The following FAM83G variants were observed in gnomAD, a reference collection of about 807,000 sequenced individuals.
FAM83G encodes the protein scaffolding CK1 anchoring protein G.
FAM83G carries 38 observed loss-of-function variants against 61.5 expected under a neutral mutation model. The ratio of observed to expected loss-of-function variants is 0.62; its 90% CI spans 0.48 to 0.81. The LOEUF is 0.81. FAM83G is among the 30% of genes least tolerant of loss of function. FAM83G has a pLI of 0.00. For missense variants in FAM83G, 989 were observed against 1,133.6 expected (o/e 0.87, Z 1.83); for synonymous variants, 470 against 476.1 (o/e 0.99, Z 0.17).
rs896392887 is a variant in FAM83G at position 18,988,485 on chromosome 17, G to A, written c.523-71C>T. ...TGGGGACAGGGTGCCCTGGCAGAGC[G>A]CACAGCCCTCCCATGCCACCAGCCT... On this transcript the variant is annotated intron_variant, in intron 2 of 5. Transcript: ENST00000388995. 16 of 1,580,130 alleles carry A rather than the reference G, an allele frequency of 1.0e-5. No individual in the cohort carries two copies. In the African/African-American group the frequency reaches 1.1e-4, roughly 11 times the overall value.
rs560946631 is a variant in FAM83G at position 19,000,816 on chromosome 17, G to A, written c.522+2704C>T. ...AGAGGTGATTCATGGGGAGAGATAAGGCAGGGAGCGCTCCCAGGAAGCAGG... is the reference window on the plus strand; with the variant it reads ...AGAGGTGATTCATGGGGAGAGATAAAGCAGGGAGCGCTCCCAGGAAGCAGG... On this transcript the variant is annotated intron_variant, in intron 2 of 5. Transcript: ENST00000388995. The surrounding 1 kb of genome is among the most constrained non-coding windows in gnomAD (Gnocchi z 5.2). 2.0e-5 allele frequency among the ~76,000 whole-genome samples: 3 copies of A among 152,280 alleles called. No individual in the cohort carries two copies. Among genetic ancestry groups the A allele is most frequent in the Non-Finnish European group, 4.4e-5 (3 of 68,010 alleles).
At chr17:18,977,279 T>A (rs890897892) in intron 5 of FAM83G, 1 of 580,810 alleles carries the variant, frequency 1.7e-6, no homozygotes, top group East Asian at 2.9e-5. Context: ...GTGCCACCCA[T>A]CTGGCAGGTG....
At position 18,968,910 on chromosome 17, in the gene FAM83G, A is replaced by C. The variant is rs79373304; in HGVS notation, c.*2449T>G. The C allele has an allele frequency of 0.014, 9,719 of 681,782 alleles. 710 individuals carry two copies. The African/African-American group carries it at 0.15, about 11-fold the overall frequency. 42.2% of individuals were successfully genotyped at this position (681,782 alleles called of 1,614,324 possible). ...CAACCTCACAATGGCCCCGTGATGC[A>C]GGCAGGCAGGCGAGTGGGGGTCTCC... On this transcript the variant is annotated 3_prime_UTR_variant, in exon 6 of 6. Transcript: ENST00000388995. The surrounding 1 kb of genome is among the most constrained non-coding windows in gnomAD (Gnocchi z 4.1).
chr17:18,976,860 G>A (rs765865991), intron 5 of FAM83G: 28 of 1,613,308 alleles, frequency 1.7e-5, no homozygotes, highest in Admixed American at 1.2e-4. Context: ...CCAGGTCATC[G>A]TGCAGCGATC....
chr17:18,989,038 G>T (rs1436258255), intron 2 of FAM83G, among the ~76,000 whole-genome samples: 2 of 152,254 alleles, frequency 1.3e-5, no homozygotes, highest in African/African-American at 4.8e-5. Context: ...TGACTGTCAG[G>T]CTTCTCTCAC....
At position 19,004,251 on chromosome 17, in the gene FAM83G, T is replaced by G; in HGVS notation, c.-128-82A>C. ...GGGCGGCGGGGGCGGGGCCGGGAAC[T>G]CAGGTGGGCGTGGGAAGGACGGGGC... On this transcript the variant is annotated intron_variant, in intron 1 of 5. Coordinates refer to ENST00000388995, the MANE Select transcript of FAM83G (RefSeq NM_001039999.3). This position sits in a 1 kb window ranked among gnomAD's most constrained non-coding sequence, Gnocchi z 5.4. 1 of 513,426 alleles carries G rather than the reference T, an allele frequency of 1.9e-6. No homozygotes were observed. Among genetic ancestry groups the G allele is most frequent in the Non-Finnish European group, 3.4e-6 (1 of 293,778 alleles). 31.8% of individuals were successfully genotyped at this position (513,426 alleles called of 1,614,324 possible).
chr17:18,975,519 A>G (rs2042953942), intron 5 of FAM83G, among the ~76,000 whole-genome samples: 1 of 151,856 alleles, frequency 6.6e-6, no homozygotes, highest in African/African-American at 2.4e-5. Flanking sequence ...GTAAAACCCC[A>G]TCTCTACTAA....
In FAM83G at chr17:18,977,726, C is replaced by T. The variant is rs200038747; in HGVS notation, c.1940G>A (p.Arg647Gln). 2,162 of 1,608,152 alleles carry T rather than the reference C, an allele frequency of 1.3e-3. 2 individuals carry two copies. Among genetic ancestry groups the T allele is most frequent in the Middle Eastern group, 9.1e-3 (55 of 6,042 alleles). Residue 647 changes from arginine (R) to glutamine (Q), a missense_variant, in exon 5 of 6, where the codon CGG becomes CAG. Arg to Gln is a conservative substitution (Grantham distance 43). Coordinates refer to ENST00000388995, the MANE Select transcript of FAM83G (RefSeq NM_001039999.3). ...GGTTATATGGGGGGCACTCAGCTGCCGGCGCGGTGGTGGGGTTGGCCCGTT... is the reference window on the plus strand; with the variant it reads ...GGTTATATGGGGGGCACTCAGCTGCTGGCGCGGTGGTGGGGTTGGCCCGTT... ...VANGPTPPPR[R>Q]QLSAPHITRG... is the part of the protein sequence containing the mutation.
intron 5 of FAM83G, among the ~76,000 whole-genome samples, chr17:18,975,361 G>T (rs753767189): frequency 1.3e-5 from 2 of 152,150 alleles, no homozygotes; most frequent in Admixed American, 6.6e-5. Flanking sequence ...GCTGGGAGCC[G>T]TCCGTTAAAC....
Position 18,977,681 on chromosome 17 carries a change from G to C in FAM83G, c.1985C>G (p.Pro662Arg). 1 of 1,610,622 alleles carries C rather than the reference G, an allele frequency of 6.2e-7. No individual in the cohort carries two copies. The highest frequency in any genetic ancestry group is 8.5e-7 in the Non-Finnish European group (1 of 1,179,868). Residue 662 changes from proline to arginine, a missense_variant, in exon 5 of 6, where the codon CCC becomes CGC. Coordinates refer to ENST00000388995, the MANE Select transcript of FAM83G (RefSeq NM_001039999.3). ...CTGGGCCCATGGGGAGCCACCCTGG[G>C]GTCCAACAAAGGTCCCTCGGGTTAT... ...PHITRGTFVG[P>R]QGGSPWAQSR...
rs1257322889 is a variant in FAM83G at position 19,000,811 on chromosome 17, G to A, written c.522+2709C>T. Among the ~76,000 whole-genome samples, 7 of 152,160 alleles carry A rather than the reference G, an allele frequency of 4.6e-5. No homozygotes were observed. In the East Asian group the frequency reaches 9.6e-4, roughly 21 times the overall value. ...GCACGAGAGGTGATTCATGGGGAGAGATAAGGCAGGGAGCGCTCCCAGGAA... is the reference window on the plus strand; with the variant it reads ...GCACGAGAGGTGATTCATGGGGAGAAATAAGGCAGGGAGCGCTCCCAGGAA... On this transcript the variant is annotated intron_variant, in intron 2 of 5. Transcript: ENST00000388995. The surrounding 1 kb of genome is among the most constrained non-coding windows in gnomAD (Gnocchi z 5.2).
intron 3 of FAM83G, among the ~76,000 whole-genome samples, chr17:18,982,323 C>T (rs569455432): frequency 1.2e-4 from 19 of 152,310 alleles, no homozygotes; most frequent in African/African-American, 4.6e-4. Context: ...TGCTCCCCAG[C>T]TTGTGCCTGG....
chr17:18,992,561 C>T (rs1464210334), intron 2 of FAM83G, among the ~76,000 whole-genome samples: 1 of 152,228 alleles, frequency 6.6e-6, no homozygotes, highest in African/African-American at 2.4e-5. Flanking sequence ...AGGCAGGGAG[C>T]ACAGGCGTGG....
chr17:18,976,426 C>A, intron 5 of FAM83G: 1 of 159,076 alleles, frequency 6.3e-6, no homozygotes, highest in Non-Finnish European at 1.4e-5. Context: ...CTCTGCCAGC[C>A]ATGCAAACAC....
In FAM83G at chr17:18,988,410, A is replaced by G; in HGVS notation, c.527T>C (p.Ile176Thr). The G allele has an allele frequency of 1.2e-6, 2 of 1,613,942 alleles. No homozygotes were observed. Among genetic ancestry groups the G allele is most frequent in the Non-Finnish European group, 1.7e-6 (2 of 1,179,844 alleles). Residue 176 changes from isoleucine (I) to threonine (T), a missense_variant, in exon 3 of 6, where the codon ATA becomes ACA. Transcript: ENST00000388995. ...RKMISQAQKV[I>T]AVVMDMFTDV... is the part of the protein sequence containing the mutation. ...GGTGAACATGTCCATGACCACAGCT[A>G]TCACCTGGGAGCAAGAAGAGAGACT... is the stretch of plus-strand genomic sequence containing the variant.
rs553000350 is a variant in FAM83G, at chr17:18,969,048, G to A, written c.*2311C>T. 7 of 1,611,546 alleles carry A rather than the reference G, an allele frequency of 4.3e-6. No individual in the cohort carries two copies. The highest frequency in any genetic ancestry group is 5.9e-6 in the Non-Finnish European group (7 of 1,178,948). On this transcript the variant is annotated 3_prime_UTR_variant, in exon 6 of 6. Transcript: ENST00000388995. ...GTCCCACACAAGGCTCTCTCCCTCC[G>A]CAGCTGGACCTGTACGCGGGGGCTC...
Position 19,004,133 on chromosome 17 carries a change from C to T in FAM83G, c.-92G>A. ...AGCTGGGGCACCGCGCGCTCGGGGG[C>T]CTCTCCGCGGCCTCTGCTTCTCTGC... On this transcript the variant is annotated 5_prime_UTR_variant, in exon 2 of 6. Transcript: ENST00000388995. The surrounding 1 kb of genome is among the most constrained non-coding windows in gnomAD (Gnocchi z 5.4). 7.8e-7 allele frequency: 1 copy of T among 1,277,848 alleles called. No homozygotes were observed. Among genetic ancestry groups the T allele is most frequent in the Non-Finnish European group, 1.1e-6 (1 of 929,112 alleles). The allele number at this position is 1,277,848 out of a possible 1,614,324, so 79.2% of individuals were successfully genotyped here. A position where few individuals can be genotyped will look rare whatever the true frequency, so the allele number is the denominator to read the frequency against.
At chr17:18,992,024 T>C (rs932762070) in intron 2 of FAM83G, among the ~76,000 whole-genome samples, 2 of 152,034 alleles carry the variant, frequency 1.3e-5, no homozygotes, top group Non-Finnish European at 2.9e-5. Flanking sequence ...ATGTGGGCAC[T>C]CCTCCAGTGA....
Position 18,969,223 on chromosome 17 carries a change from C to G in FAM83G, c.*2136G>C. The stretch of plus-strand genomic sequence containing the variant: ...TAAAGGGGTCAGAAGGCCACCTCCC[C>G]CTACAGGCCCGAGGGAGCAGCCCAG... On this transcript the variant is annotated 3_prime_UTR_variant, in exon 6 of 6. Coordinates refer to ENST00000388995, the MANE Select transcript of FAM83G (RefSeq NM_001039999.3). 6.3e-7 allele frequency: 1 copy of G among 1,582,472 alleles called. No individual in the cohort carries two copies. Among genetic ancestry groups the G allele is most frequent in the East Asian group, 2.2e-5 (1 of 44,574 alleles).
Sources: allele counts gnomAD v4.1 joint callset (sites outside exome capture counted in the v4.1 genomes callset), GRCh38; gene constraint gnomAD v4.1.1; non-coding constraint Gnocchi (gnomAD v3.1); transcripts MANE v1.5; gene names NCBI Gene and HGNC (gene_info 2026-07-23, HGNC 2026-07-21).